The following ARPC1B variants were observed in gnomAD, a reference collection of about 807,000 sequenced individuals.
ARPC1B encodes the protein actin related protein 2/3 complex subunit 1B, also known as actin-related protein 2/3 complex subunit 1B.
ARPC1B carries 29 observed loss-of-function variants against 46.0 expected under a neutral mutation model. That is an observed-to-expected ratio of 0.63 (90% CI 0.47 to 0.86). The LOEUF (loss-of-function observed/expected upper bound fraction) is 0.86. ARPC1B is among the 40% of genes least tolerant of loss of function. ARPC1B has a pLI of 0.00. For synonymous variants in ARPC1B, 201 were observed against 213.9 expected (o/e 0.94, Z 0.53); for missense variants, 469 against 529.4 (o/e 0.89, Z 1.12).
chr7:99,380,670 T>A (rs1478612900), intron 1 of ARPC1B, among the ~76,000 whole-genome samples: 2 of 152,206 alleles, frequency 1.3e-5, no homozygotes, highest in African/African-American at 4.8e-5. Flanking sequence ...GTTGCTGTCT[T>A]CAGCAGAGCC....
chr7:99,380,455 AG>A lies in ARPC1B; in HGVS notation c.-13-5245del, dbSNP rs555502524. ...ATTTAAGGGGTTTGTTCAACAGACT[AG>A]GAAGTATTTCTGCTAATTCATGCTG... On this transcript the variant is annotated intron_variant, in intron 1 of 9. Transcript: ENST00000646101. 1.8e-4 allele frequency among the ~76,000 whole-genome samples: 27 copies of A among 152,314 alleles called. No individual in the cohort carries two copies. In the South Asian group the frequency reaches 5.4e-3, roughly 30 times the overall value.
chr7:99,394,348 C>T, intron 9 of ARPC1B, 103 bp from the exon 10 acceptor site: 1 of 1,176,088 alleles, frequency 8.5e-7, no homozygotes, highest in Non-Finnish European at 1.3e-6. Flanking sequence ...TGCAGGTTCT[C>T]TGCCCTCTGC....
At chr7:99,393,529 G>T (rs775028492) in intron 8 of ARPC1B, among the ~76,000 whole-genome samples, 1 of 152,040 alleles carries the variant, frequency 6.6e-6, no homozygotes, top group Non-Finnish European at 1.5e-5. Context: ...GCCTTCTATG[G>T]ATCTAGGGTG....
chr7:99,386,716 G>A lies in ARPC1B; in HGVS notation c.96G>A (p.Val32=), dbSNP rs1794401549. The A allele has an allele frequency of 4.3e-6, 7 of 1,614,126 alleles. No individual in the cohort carries two copies. The highest frequency in any genetic ancestry group is 2.2e-5 in the East Asian group (1 of 44,872). ...QIAICPNNHE[V]HIYEKSGAKW... Reference sequence around the variant, plus strand: ...CCATCTGCCCCAACAACCATGAGGTGCATATCTATGAAAAGAGCGGTGCCA... The same window carrying A: ...CCATCTGCCCCAACAACCATGAGGTACATATCTATGAAAAGAGCGGTGCCA... The change falls in exon 3 of 10, where the codon GTG becomes GTA. Residue 32 remains valine, a synonymous_variant. Transcript: ENST00000646101.
At chr7:99,386,000 C>T (rs1214975558) in intron 2 of ARPC1B, among the ~76,000 whole-genome samples, 4 of 152,156 alleles carry the variant, frequency 2.6e-5, no homozygotes, top group African/African-American at 7.2e-5. Flanking sequence ...CCTGTAATCC[C>T]GGCACTTTGG....
rs1225157866 is a variant in ARPC1B, at chr7:99,394,541, G to A, written c.*52G>A. 6 of 1,613,404 alleles carry A rather than the reference G, an allele frequency of 3.7e-6. No individual in the cohort carries two copies. In the East Asian group the frequency reaches 1.3e-4, roughly 36 times the overall value. ...CTAGCTGCTGGGGAAGCGGGGAGAG[G>A]GGTCAGGGAGGCTAATGGTTGCTTT... On this transcript the variant is annotated 3_prime_UTR_variant, in exon 10 of 10. Transcript: ENST00000646101.
At chr7:99,375,704 C>G (rs755697975) in intron 1 of ARPC1B, among the ~76,000 whole-genome samples, 1 of 152,188 alleles carries the variant, frequency 6.6e-6, no homozygotes, top group Non-Finnish European at 1.5e-5. Flanking sequence ...GGGAGGATCG[C>G]TTGAGGCCAG....
At chr7:99,379,821 T>TC (rs1356548883) in intron 1 of ARPC1B, among the ~76,000 whole-genome samples, 97 of 150,714 alleles carry the variant, frequency 6.4e-4, no homozygotes, top group Middle Eastern at 3.4e-3. Flanking sequence ...TTTTTTTTTT[T>TC]CCAAGTGGAG....
intron 1 of ARPC1B, among the ~76,000 whole-genome samples, chr7:99,385,316 G>T (rs1446014362): frequency 7.6e-6 from 1 of 131,890 alleles, no homozygotes; most frequent in Non-Finnish European, 1.6e-5. Context: ...GGGGGGGGGG[G>T]GGTCGTCCAT....
At chr7:99,375,573 G>GC (rs34130672) in intron 1 of ARPC1B, among the ~76,000 whole-genome samples, 52,243 of 152,042 alleles carry the variant, frequency 0.34, 15,026 homozygotes, top group African/African-American at 0.78. Context: ...AGGAGTGCAA[G>GC]CCTGGGGAGT....
At position 99,388,241 on chromosome 7, in the gene ARPC1B, T is replaced by C. The variant is rs1794458087; in HGVS notation, c.372T>C (p.Tyr124=). The C allele has an allele frequency of 6.2e-7, 1 of 1,614,084 alleles. No homozygotes were observed. Among genetic ancestry groups the C allele is most frequent in the Non-Finnish European group, 8.5e-7 (1 of 1,179,936 alleles). Reference sequence around the variant, plus strand: ...GCTCTCGTGTGATCTCCATCTGTTATTTCGAGCAGGAGAATGACTGGTGGG... The same window carrying C: ...GCTCTCGTGTGATCTCCATCTGTTACTTCGAGCAGGAGAATGACTGGTGGG... ...GSGSRVISIC[Y]FEQENDWWVC... The change falls in exon 4 of 10, where the codon TAT becomes TAC. Residue 124 remains tyrosine, a synonymous_variant. Coordinates refer to ENST00000646101, the MANE Select transcript of ARPC1B (RefSeq NM_005720.4).
chr7:99,378,221 C>T (rs1403202804), intron 1 of ARPC1B, among the ~76,000 whole-genome samples: 38 of 150,838 alleles, frequency 2.5e-4, no homozygotes, highest in South Asian at 2.1e-4. Context: ...CATCACATCC[C>T]GCTAATTTTT....
In ARPC1B at chr7:99,394,620, A is replaced by G. The variant is rs976465981; in HGVS notation, c.*131A>G. The G allele has an allele frequency of 6.4e-5, 97 of 1,513,484 alleles. No homozygotes were observed. Among genetic ancestry groups the G allele is most frequent in the South Asian group, 3.5e-4 (28 of 79,114 alleles). 93.8% of individuals were successfully genotyped at this position (1,513,484 alleles called of 1,614,324 possible). A position where few individuals can be genotyped will look rare whatever the true frequency, so the allele number is the denominator to read the frequency against. On this transcript the variant is annotated 3_prime_UTR_variant, in exon 10 of 10. Transcript: ENST00000646101. ...GTTCCCATAGGGGCTGCTCCCTCAA[A>G]AAGGGAGGGGACAGATGGGGAGCTT...
intron 1 of ARPC1B, among the ~76,000 whole-genome samples, chr7:99,384,720 C>T (rs1195923575): frequency 6.6e-6 from 1 of 152,132 alleles, no homozygotes; most frequent in Admixed American, 6.5e-5. Flanking sequence ...GCCTTTGCCT[C>T]AGCCATGAGC....
Position 99,386,478 on chromosome 7 carries a change from T to C in ARPC1B, c.65-207T>C, listed in dbSNP as rs147414636. 833 of 655,824 alleles carry C rather than the reference T, an allele frequency of 1.3e-3. 7 individuals carry two copies. The highest frequency in any genetic ancestry group is 6.8e-3 in the African/African-American group (381 of 56,010). 40.6% of individuals were successfully genotyped at this position (655,824 alleles called of 1,614,324 possible). A position where few individuals can be genotyped will look rare whatever the true frequency, so the allele number is the denominator to read the frequency against. ...GGGTGGGGAGAGGTCCCAGGGTTCA[T>C]TGCTGCGAGTAAAGGACAGCCAGTT... On this transcript the variant is annotated intron_variant, in intron 2 of 9. Coordinates refer to ENST00000646101, the MANE Select transcript of ARPC1B (RefSeq NM_005720.4).
At chr7:99,378,774 C>CT (rs761084621) in intron 1 of ARPC1B, among the ~76,000 whole-genome samples, 1,807 of 106,462 alleles carry the variant, frequency 0.017, 96 homozygotes, top group South Asian at 0.025. Flanking sequence ...TTTTCTTTTT[C>CT]TTTTTTTTTT....
At chr7:99,384,616 C>G (rs1212065409) in intron 1 of ARPC1B, among the ~76,000 whole-genome samples, 1 of 152,190 alleles carries the variant, frequency 6.6e-6, no homozygotes, top group Non-Finnish European at 1.5e-5. Context: ...CAAGAGCCAT[C>G]ACCCAGGCCT....
At chr7:99,381,726 C>T (rs558577458) in intron 1 of ARPC1B, among the ~76,000 whole-genome samples, 15 of 152,322 alleles carry the variant, frequency 9.8e-5, no homozygotes, top group African/African-American at 2.6e-4. Context: ...AGGCAGTGAG[C>T]GCAGGGGGCT....
intron 4 of ARPC1B, 73 bp downstream of exon 4, chr7:99,388,334 C>A: frequency 1.4e-6 from 2 of 1,453,942 alleles, no homozygotes; most frequent in South Asian, 1.2e-5. Context: ...CGGGAAGCAC[C>A]AAATGGGATG....
Sources: gnomAD v4.1 joint callset for allele counts (sites outside exome capture counted in the v4.1 genomes callset) on GRCh38, gnomAD v4.1.1 for gene constraint, MANE v1.5 for transcripts, NCBI Gene and HGNC (gene_info 2026-07-23, HGNC 2026-07-21) for gene names.